SHANK2: variants seen among roughly 807,000 people sequenced by gnomAD.
The protein encoded by SHANK2 is SH3 and multiple ankyrin repeat domains 2.
Under a neutral mutation model 133.7 loss-of-function variants are expected in SHANK2, and 43 were observed. That is an observed-to-expected ratio of 0.32 (90% CI 0.25 to 0.41). The LOEUF (loss-of-function observed/expected upper bound fraction) is 0.41, where lower values mean the gene tolerates loss of function less well. SHANK2 is among the 10% of genes least tolerant of loss of function. The pLI is 1.00. For synonymous variants in SHANK2, 1,017 were observed against 952.8 expected (o/e 1.07, Z -1.24); for missense variants, 1,994 against 2,235.8 (o/e 0.89, Z 2.18).
intron 1 of SHANK2, among the ~76,000 whole-genome samples, chr11:71,228,463 AAAG>A (rs1251973933): frequency 1.3e-5 from 2 of 152,226 alleles, no homozygotes; most frequent in South Asian, 2.1e-4. Context: ...ATGAGCACAA[AAAG>A]AAGATTACAG....
chr11:71,234,401 A>ATAAC (rs1555123404), intron 1 of SHANK2, among the ~76,000 whole-genome samples: 8 of 149,830 alleles, frequency 5.3e-5, no homozygotes, highest in African/African-American at 7.6e-5. Context: ...AAATAAATAA[A>ATAAC]TAACAACAAA....
chr11:71,194,677 G>T (rs190016696), intron 2 of SHANK2, among the ~76,000 whole-genome samples: 1 of 152,304 alleles, frequency 6.6e-6, no homozygotes, highest in African/African-American at 2.4e-5. Flanking sequence ...AATGTCTAAA[G>T]ACCACAAAGA....
intron 14 of SHANK2, among the ~76,000 whole-genome samples, chr11:70,717,083 T>C (rs1945948498): frequency 6.6e-6 from 1 of 152,214 alleles, no homozygotes; most frequent in Non-Finnish European, 1.5e-5. Context: ...CACCGTCCAC[T>C]TGGTTAAAAC....
At chr11:70,885,584 G>C (rs1555073293) in intron 11 of SHANK2, among the ~76,000 whole-genome samples, 1 of 152,200 alleles carries the variant, frequency 6.6e-6, no homozygotes, top group Non-Finnish European at 1.5e-5. Context: ...CAGGAGGCAT[G>C]GGGCAAGGGT....
At chr11:70,588,297 T>C (rs933488279) in intron 17 of SHANK2, among the ~76,000 whole-genome samples, 2 of 152,212 alleles carry the variant, frequency 1.3e-5, no homozygotes, top group African/African-American at 2.4e-5. Flanking sequence ...GAGTCACTCA[T>C]CTTTCACTTT....
chr11:70,888,700 C>G (rs1312635534), intron 11 of SHANK2, among the ~76,000 whole-genome samples: 1 of 151,976 alleles, frequency 6.6e-6, no homozygotes, highest in African/African-American at 2.4e-5. Context: ...GCCTGTAATC[C>G]CAGCTACTCG....
intron 10 of SHANK2, among the ~76,000 whole-genome samples, chr11:70,939,741 G>T (rs951635026): frequency 6.6e-6 from 1 of 152,108 alleles, no homozygotes; most frequent in Non-Finnish European, 1.5e-5. Context: ...TCCCCGCTGC[G>T]TGGCTCCTCT....
Position 70,502,856 on chromosome 11 carries a change from C to T in SHANK2, c.2137G>A (p.Val713Ile). The change falls in exon 18 of 26, where the codon GTC becomes ATC. Residue 713 changes from valine to isoleucine, a missense_variant. By Grantham distance (29) the Val-to-Ile change is conservative. This residue lies in a region of SHANK2 where 488 missense variants were observed against 642.6 expected (regional missense o/e 0.76). Coordinates refer to ENST00000601538, the MANE Select transcript of SHANK2 (RefSeq NM_012309.5). ...CTGGTCACCGTGACCACCTTAAGGA[C>T]CAGGTGATTCCCTCCCTGCCGGATC... ...NMIRQGGNHL[V>I]LKVVTVTRNL... 1.2e-6 allele frequency: 2 copies of T among 1,612,698 alleles called. No homozygotes were observed. Among genetic ancestry groups the T allele is most frequent in the Non-Finnish European group, 1.7e-6 (2 of 1,179,780 alleles).
chr11:71,218,897 C>T (rs1591031626), intron 2 of SHANK2, among the ~76,000 whole-genome samples: 1 of 152,320 alleles, frequency 6.6e-6, no homozygotes, highest in South Asian at 2.1e-4. Flanking sequence ...CCCTCTTCTG[C>T]AGCCCCCAGC....
chr11:70,818,993 C>T (rs1590719499), intron 12 of SHANK2, among the ~76,000 whole-genome samples: 1 of 152,246 alleles, frequency 6.6e-6, no homozygotes, highest in South Asian at 2.1e-4. Context: ...TCCTCCCTGA[C>T]ATCCCTGACC....
intron 6 of SHANK2, among the ~76,000 whole-genome samples, chr11:71,106,702 C>G (rs117889285): frequency 6.6e-6 from 1 of 152,188 alleles, no homozygotes; most frequent in African/African-American, 2.4e-5. Flanking sequence ...GCCTGTAGTC[C>G]CAGCTATTCA....
At chr11:70,920,563 C>CAAAAAT (rs1950335864) in intron 10 of SHANK2, among the ~76,000 whole-genome samples, 1 of 152,262 alleles carries the variant, frequency 6.6e-6, no homozygotes, top group Admixed American at 6.5e-5. Context: ...CATTAAAAAT[C>CAAAAAT]AAAAATAAAA....
intron 10 of SHANK2, among the ~76,000 whole-genome samples, chr11:70,954,213 G>A (rs1407721115): frequency 6.6e-6 from 1 of 152,214 alleles, no homozygotes; most frequent in Non-Finnish European, 1.5e-5. Flanking sequence ...ATTTAACAAG[G>A]AAAGAAACTC....
At position 71,103,478 on chromosome 11, in the gene SHANK2, C is replaced by T. The variant is rs952785722; in HGVS notation, c.592+6463G>A. On this transcript the variant is annotated intron_variant, in intron 6 of 25. Coordinates refer to ENST00000601538, the MANE Select transcript of SHANK2 (RefSeq NM_012309.5). ...CACCCTGCCTGTTTCCTGGAGGCAG[C>T]CCGCCAAAGCCAACTCTGTGTTTCT... Among the ~76,000 whole-genome samples, 3 of 152,324 alleles carry T rather than the reference C, an allele frequency of 2.0e-5. No homozygotes were observed. In the East Asian group the frequency reaches 5.8e-4, roughly 29 times the overall value.
Position 70,492,577 on chromosome 11 carries a change from G to T in SHANK2, c.2309-112C>A, listed in dbSNP as rs2058905958. The T allele has an allele frequency of 1.2e-5, 17 of 1,376,350 alleles. No homozygotes were observed. The South Asian group carries it at 1.3e-4, about 11-fold the overall frequency. 85.3% of individuals were successfully genotyped at this position (1,376,350 alleles called of 1,614,324 possible). A position where few individuals can be genotyped will look rare whatever the true frequency, so the allele number is the denominator to read the frequency against. ...TCCAACATCCAAAACTGTGCAGGGGGCATTTGTTGCTGCTGTGAGGAGCAT... is the reference window on the plus strand; with the variant it reads ...TCCAACATCCAAAACTGTGCAGGGGTCATTTGTTGCTGCTGTGAGGAGCAT... On this transcript the variant is annotated intron_variant, in intron 21 of 25. Transcript: ENST00000601538.
chr11:70,893,939 GT>G (rs1565389297), intron 11 of SHANK2, among the ~76,000 whole-genome samples: 1 of 152,132 alleles, frequency 6.6e-6, no homozygotes, highest in Non-Finnish European at 1.5e-5. Context: ...TCAATGGGGG[GT>G]GCTGTTTACA....
intron 4 of SHANK2, among the ~76,000 whole-genome samples, chr11:71,116,217 C>T (rs10897602): frequency 0.26 from 39,624 of 152,158 alleles, 6,430 homozygotes; most frequent in East Asian, 0.49. Flanking sequence ...AGTAGAGAAC[C>T]CACTTAGGTT....
At chr11:70,863,224 C>G in intron 11 of SHANK2, 1 of 422,026 alleles carries the variant, frequency 2.4e-6, no homozygotes, top group South Asian at 1.7e-5. Flanking sequence ...GTTGAGTGGC[C>G]CACTGGTGTG....
chr11:70,712,144 T>C (rs1945800299), intron 14 of SHANK2, among the ~76,000 whole-genome samples: 1 of 152,098 alleles, frequency 6.6e-6, no homozygotes, highest in Admixed American at 6.5e-5. Flanking sequence ...GCTGCGGTGT[T>C]CCTCGGATCC....
Sources: gnomAD v4.1 joint callset for allele counts (sites outside exome capture counted in the v4.1 genomes callset) on GRCh38, gnomAD v4.1.1 for gene constraint, gnomAD v4.1.1 regional missense constraint, MANE v1.5 for transcripts, NCBI Gene and HGNC (gene_info 2026-07-23, HGNC 2026-07-21) for gene names.